The following TMPRSS6 variants were observed in gnomAD, a reference collection of about 807,000 sequenced individuals.
The protein encoded by TMPRSS6 is transmembrane protease serine 6.
TMPRSS6 carries 67 observed loss-of-function variants against 101.5 expected under a neutral mutation model. The ratio of observed to expected loss-of-function variants is 0.66; its 90% confidence interval spans 0.54 to 0.81. TMPRSS6 has a LOEUF of 0.81. TMPRSS6 is among the 30% of genes least tolerant of loss of function. The pLI, the probability that TMPRSS6 is intolerant of heterozygous loss-of-function variation, is 0.00. For missense variants in TMPRSS6, 1,034 were observed against 1,088.7 expected (o/e 0.95, Z 0.71); for synonymous variants, 453 against 464.9 (o/e 0.97, Z 0.33).
At position 37,098,525 on chromosome 22, in the gene TMPRSS6, C is replaced by T. The variant is rs868759714; in HGVS notation, c.227G>A (p.Ser76Asn). The T allele has an allele frequency of 6.2e-7, 1 of 1,614,166 alleles. No homozygotes were observed. Among genetic ancestry groups the T allele is most frequent in the Middle Eastern group, 1.6e-4 (1 of 6,062 alleles). ...FLGYKAEVMV[S>N]QVYSGSLRVL... is the part of the protein sequence containing the mutation. ...ACGCAGACTGCCTGAGTACACCTGG[C>T]TGACCATCACCTCCGCCTTGTACCC... Residue 76 changes from serine to asparagine, a missense_variant, in exon 3 of 18, where the codon AGC becomes AAC. Transcript: ENST00000676104.
chr22:37,087,468 G>T (rs745892870), intron 7 of TMPRSS6, among the ~76,000 whole-genome samples: 1 of 152,218 alleles, frequency 6.6e-6, no homozygotes, highest in Non-Finnish European at 1.5e-5. Context: ...CTGGAGGCAT[G>T]GTGGGCATAA....
intron 3 of TMPRSS6, among the ~76,000 whole-genome samples, chr22:37,097,877 A>G (rs1601568368): frequency 5.5e-5 from 3 of 54,162 alleles, no homozygotes; most frequent in Admixed American, 2.4e-4. Context: ...GAGGGGGAGG[A>G]GAGGGCCACC....
At chr22:37,081,534 GA>G (rs1928268071) in intron 10 of TMPRSS6, among the ~76,000 whole-genome samples, 1 of 152,208 alleles carries the variant, frequency 6.6e-6, no homozygotes, top group African/African-American at 2.4e-5. Flanking sequence ...GGGCTGGCCT[GA>G]ACCCCTCGTT....
intron 17 of TMPRSS6, 42 bp downstream of exon 17, chr22:37,066,784 C>A (rs1432055338): frequency 6.2e-7 from 1 of 1,613,588 alleles, no homozygotes; most frequent in Non-Finnish European, 8.5e-7. Flanking sequence ...TGGGCAGCAT[C>A]CTTTCTCCCT....
chr22:37,110,370 T>A (rs228917), upstream of TMPRSS6, among the ~76,000 whole-genome samples: 1 of 151,562 alleles, frequency 6.6e-6, no homozygotes, highest in African/African-American at 2.4e-5. Context: ...CTCGAACTCC[T>A]GACCTCAAGT....
intron 2 of TMPRSS6, among the ~76,000 whole-genome samples, chr22:37,099,257 CG>C (rs1569024834): frequency 6.6e-6 from 1 of 152,146 alleles, no homozygotes; most frequent in Non-Finnish European, 1.5e-5. Flanking sequence ...GCATGGGGCA[CG>C]GGGCCGGTAG....
At chr22:37,107,732 C>T (rs1187644706) in intron 1 of TMPRSS6, among the ~76,000 whole-genome samples, 1 of 152,134 alleles carries the variant, frequency 6.6e-6, no homozygotes, top group Non-Finnish European at 1.5e-5. Flanking sequence ...CTTGCTGGGC[C>T]TGGGATGTTT....
chr22:37,095,732 C>T, intron 5 of TMPRSS6, 140 bp from the exon 6 acceptor site: 1 of 1,238,364 alleles, frequency 8.1e-7, no homozygotes. Context: ...CCATCCCACC[C>T]TTCTTTCCTG....
Position 37,103,566 on chromosome 22 carries a change from C to A in TMPRSS6, c.-1-148G>T. On this transcript the variant is annotated intron_variant, in intron 1 of 17. Coordinates refer to ENST00000676104, the MANE Select transcript of TMPRSS6 (RefSeq NM_001374504.1). The surrounding 1 kb of genome is among the most constrained non-coding windows in gnomAD (Gnocchi z 4.4). Reference sequence around the variant, plus strand: ...AGGCGGCAGTGACTGCAAGTGGGTGCCGAGACAGCTCACAGAGGAGGGAAG... The same window carrying A: ...AGGCGGCAGTGACTGCAAGTGGGTGACGAGACAGCTCACAGAGGAGGGAAG... 1 of 1,613,686 alleles carries A rather than the reference C, an allele frequency of 6.2e-7. No individual in the cohort carries two copies. Among genetic ancestry groups the A allele is most frequent in the Non-Finnish European group, 8.5e-7 (1 of 1,180,000 alleles).
intron 1 of TMPRSS6, among the ~76,000 whole-genome samples, chr22:37,106,727 C>T (rs918576567): frequency 6.6e-6 from 1 of 152,142 alleles, no homozygotes; most frequent in Non-Finnish European, 1.5e-5. Flanking sequence ...CCCCTTGCTG[C>T]GACATCCAAG....
At chr22:37,068,251 T>C (rs1050131615) in intron 16 of TMPRSS6, among the ~76,000 whole-genome samples, 22 of 152,218 alleles carry the variant, frequency 1.4e-4, no homozygotes, top group Non-Finnish European at 2.8e-4. Flanking sequence ...AGTGAAGGAA[T>C]AGTGAATGAA....
intron 2 of TMPRSS6, among the ~76,000 whole-genome samples, chr22:37,100,122 C>T (rs1930175876): frequency 6.6e-6 from 1 of 152,192 alleles, no homozygotes; most frequent in Non-Finnish European, 1.5e-5. Context: ...CATGCACCAC[C>T]ACGCCCGGTT....
At chr22:37,102,295 G>A (rs1452861378) in intron 2 of TMPRSS6, among the ~76,000 whole-genome samples, 1 of 152,220 alleles carries the variant, frequency 6.6e-6, no homozygotes, top group Non-Finnish European at 1.5e-5. Flanking sequence ...TAAATGTCAG[G>A]TCTGATGCCT....
In TMPRSS6 at chr22:37,078,008, C is replaced by T. The variant is rs573789121; in HGVS notation, c.1197-2728G>A. ...CCCCTGAGCAAGCCTGGCCCTCTTG[C>T]TCTTGTAAAACCCAGGAAACGCAGG... On this transcript the variant is annotated intron_variant, in intron 10 of 17. Coordinates refer to ENST00000676104, the MANE Select transcript of TMPRSS6 (RefSeq NM_001374504.1). Among the ~76,000 whole-genome samples, 9 of 152,324 alleles carry T rather than the reference C, an allele frequency of 5.9e-5. No individual in the cohort carries two copies. In the East Asian group the frequency reaches 1.5e-3, roughly 26 times the overall value.
At chr22:37,098,697 T>G in intron 2 of TMPRSS6, 148 bp from the exon 3 acceptor site, 1 of 1,068,502 alleles carries the variant, frequency 9.4e-7, no homozygotes, top group Non-Finnish European at 1.4e-6. Context: ...CATCATCATC[T>G]TTGTCACTCC....
In TMPRSS6 at chr22:37,073,605, G is replaced by T; in HGVS notation, c.1482C>A (p.Cys494Ter). The T allele has an allele frequency of 6.2e-7, 1 of 1,614,062 alleles. No homozygotes were observed. The highest frequency in any genetic ancestry group is 1.3e-5 in the African/African-American group (1 of 75,058). The change falls in exon 13 of 18, where the codon TGC (cysteine) becomes TGA (stop). Residue 494 changes from cysteine (C) to a stop codon, truncating the protein, a stop_gained. Coordinates refer to ENST00000676104, the MANE Select transcript of TMPRSS6 (RefSeq NM_001374504.1). LOFTEE classifies it high-confidence loss of function. ...ATFQCKEDST[C>*]ISLPKVCDGQ... Reference sequence around the variant, plus strand: ...CATCACAGACCTTGGGCAGTGAGATGCATGTGCTGTCCTCTTTGCACTGGA... The same window carrying T: ...CATCACAGACCTTGGGCAGTGAGATTCATGTGCTGTCCTCTTTGCACTGGA...
At chr22:37,110,071 G>A (rs141769745), upstream of TMPRSS6, among the ~76,000 whole-genome samples, 39 of 152,214 alleles carry the variant, frequency 2.6e-4, no homozygotes, top group African/African-American at 9.2e-4. Context: ...GGAGAAAGGG[G>A]AGGCAGGGGT....
At chr22:37,070,416 T>G in intron 15 of TMPRSS6, 68 bp downstream of exon 15, 1 of 1,594,268 alleles carries the variant, frequency 6.3e-7, no homozygotes, top group Non-Finnish European at 8.6e-7. Flanking sequence ...TCAGACACAG[T>G]GCACCTCCCA....
At chr22:37,080,591 T>A (rs1041252588) in intron 10 of TMPRSS6, among the ~76,000 whole-genome samples, 2 of 152,262 alleles carry the variant, frequency 1.3e-5, no homozygotes, top group Non-Finnish European at 2.9e-5. Context: ...CTATCGCCCA[T>A]GATCATAACT....
Sources: gnomAD v4.1 joint callset for allele counts (sites outside exome capture counted in the v4.1 genomes callset) on GRCh38, gnomAD v4.1.1 for gene constraint, Gnocchi (gnomAD v3.1) non-coding constraint, MANE v1.5 for transcripts, NCBI Gene and HGNC (gene_info 2026-07-23, HGNC 2026-07-21) for gene names.